The following PPFIA1 variants were observed in gnomAD, a reference collection of about 807,000 sequenced individuals.
PPFIA1 encodes liprin-alpha-1.
Under a neutral mutation model 149.9 loss-of-function variants are expected in PPFIA1, and 25 were observed. The observed-to-expected ratio is 0.17, with a 90% CI of 0.12 to 0.23. PPFIA1 has a LOEUF of 0.23. Ranked by LOEUF, PPFIA1 falls within the 10% of genes least tolerant of loss-of-function variation. The probability of loss-of-function intolerance (pLI) is 1.00; values close to 1 mark genes in which losing one functional copy is unlikely to be tolerated. For synonymous variants in PPFIA1, 549 were observed against 552.8 expected, an observed-to-expected ratio of 0.99 and a Z score of 0.10; for missense variants, 1,362 against 1,506.5, an observed-to-expected ratio of 0.90 and a Z score of 1.59.
intron 9 of PPFIA1, 27 bp from the exon 10 acceptor site, chr11:70,333,443 G>A (rs76081452): frequency 0.018 from 28,911 of 1,589,250 alleles, 309 homozygotes; most frequent in Middle Eastern, 0.022. Context: ...TAAGGATGAC[G>A]TCAGCGTACG....
At chr11:70,372,618 TG>T in intron 23 of PPFIA1, 44 bp downstream of exon 23, 1 of 1,499,556 alleles carries the variant, frequency 6.7e-7, no homozygotes, top group South Asian at 1.1e-5. Context: ...TCCTACTTGC[TG>T]GTGTGTTTGG....
intron 2 of PPFIA1, among the ~76,000 whole-genome samples, chr11:70,303,489 A>G (rs2052627902): frequency 6.6e-6 from 1 of 152,184 alleles, no homozygotes; most frequent in Non-Finnish European, 1.5e-5. Context: ...TGCATACCCT[A>G]AGGTTTTTCT....
At chr11:70,293,341 A>G (rs567360363) in intron 2 of PPFIA1, among the ~76,000 whole-genome samples, 3 of 152,220 alleles carry the variant, frequency 2.0e-5, no homozygotes, top group Non-Finnish European at 2.9e-5. Flanking sequence ...TGTTGGCTTC[A>G]TAGCAAGTGT....
chr11:70,348,464 C>G (rs777760534), intron 16 of PPFIA1, 44 bp downstream of exon 16: 1 of 1,459,242 alleles, frequency 6.9e-7, no homozygotes, highest in South Asian at 1.2e-5. Context: ...CTCAGCATAC[C>G]TGTATGAAAT....
chr11:70,356,076 C>A, intron 18 of PPFIA1, 85 bp from the exon 19 acceptor site: 1 of 1,156,934 alleles, frequency 8.6e-7, no homozygotes, highest in Non-Finnish European at 1.3e-6. Context: ...AAATCTGAAC[C>A]TGCAAATATT....
At chr11:70,370,229 T>C (rs1261196622) in intron 21 of PPFIA1, among the ~76,000 whole-genome samples, 1 of 152,118 alleles carries the variant, frequency 6.6e-6, no homozygotes, top group African/African-American at 2.4e-5. Flanking sequence ...CTAGTCCGGC[T>C]AGGGTTTGTT....
At chr11:70,363,166 G>A (rs1056923922) in intron 21 of PPFIA1, 1 of 152,210 alleles carries the variant, frequency 6.6e-6, no homozygotes, top group Non-Finnish European at 1.5e-5. Flanking sequence ...ACAGTTAAAT[G>A]AATCTGTAAA....
At chr11:70,283,762 C>T (rs1228016195) in intron 2 of PPFIA1, among the ~76,000 whole-genome samples, 1 of 8,000 alleles carries the variant, frequency 1.3e-4, no homozygotes, top group Non-Finnish European at 2.3e-4. Context: ...GTCAAGCTTG[C>T]GGGGAGAAGG....
chr11:70,354,603 G>A, intron 17 of PPFIA1, 151 bp downstream of exon 17: 3 of 851,564 alleles, frequency 3.5e-6, no homozygotes, highest in South Asian at 3.9e-5. Context: ...CACTTAGAAT[G>A]CTTACCACTG....
chr11:70,381,686 G>C (rs2057720543), intron 26 of PPFIA1, among the ~76,000 whole-genome samples: 1 of 152,210 alleles, frequency 6.6e-6, no homozygotes, highest in Non-Finnish European at 1.5e-5. Flanking sequence ...GTGCCGCTTG[G>C]TGTTTCCTTC....
chr11:70,308,222 A>G (rs1159757183), intron 2 of PPFIA1, among the ~76,000 whole-genome samples: 1 of 152,086 alleles, frequency 6.6e-6, no homozygotes, highest in African/African-American at 2.4e-5. Flanking sequence ...CTAATTTTGT[A>G]TTTTTAGCAG....
chr11:70,315,140 C>T (rs1241485234), intron 2 of PPFIA1, among the ~76,000 whole-genome samples: 1 of 152,150 alleles, frequency 6.6e-6, no homozygotes, highest in Non-Finnish European at 1.5e-5. Flanking sequence ...TTTTGGGTGG[C>T]TTCACAGCCG....
chr11:70,314,532 T>C (rs918369329), intron 2 of PPFIA1, among the ~76,000 whole-genome samples: 2 of 152,342 alleles, frequency 1.3e-5, no homozygotes, highest in Admixed American at 1.3e-4. Flanking sequence ...TTATCTTACT[T>C]CCAACTCTCA....
chr11:70,354,095 G>A (rs563912853), intron 16 of PPFIA1: 53 of 528,562 alleles, frequency 1.0e-4, no homozygotes, highest in African/African-American at 7.9e-4. Flanking sequence ...CCCAGCGCAC[G>A]CTCGTGGGGA....
rs1049203932 is a variant in PPFIA1, at chr11:70,339,270, A to G, written c.1671A>G (p.Lys557=). The change falls in exon 14 of 28, where the codon AAA becomes AAG. Residue 557 remains lysine (K), a synonymous_variant. Coordinates refer to ENST00000253925, the MANE Select transcript of PPFIA1 (RefSeq NM_003626.5). ...STSAVLRRPQ[K]GRLAALRDEP... is the part of the protein sequence containing the mutation. ...GTGCAGTGCTGCGGCGCCCACAGAA[A>G]GGCCGGCTGGCAGCCCTGCGAGATG... 3.1e-6 allele frequency: 5 copies of G among 1,613,966 alleles called. No individual in the cohort carries two copies. The highest frequency in any genetic ancestry group is 4.2e-6 in the Non-Finnish European group (5 of 1,179,940).
At chr11:70,378,390 T>C (rs1394098988) in intron 26 of PPFIA1, 195 bp downstream of exon 26, 2 of 1,293,830 alleles carry the variant, frequency 1.5e-6, no homozygotes, top group Non-Finnish European at 2.0e-6. Context: ...TAATAGAATT[T>C]TTAAAACACG....
intron 16 of PPFIA1, among the ~76,000 whole-genome samples, chr11:70,353,159 G>C (rs1000447562): frequency 2.0e-5 from 3 of 152,158 alleles, no homozygotes; most frequent in Non-Finnish European, 4.4e-5. Context: ...TCCTCCCTGA[G>C]CCACAGTGGG....
At chr11:70,310,864 C>T (rs941709848) in intron 2 of PPFIA1, among the ~76,000 whole-genome samples, 10 of 152,070 alleles carry the variant, frequency 6.6e-5, no homozygotes, top group African/African-American at 2.4e-4. Flanking sequence ...TGCTGTTTGC[C>T]GTCCATCCAC....
At chr11:70,378,270 T>C (rs1272564167) in intron 26 of PPFIA1, 75 bp downstream of exon 26, 4 of 1,525,462 alleles carry the variant, frequency 2.6e-6, no homozygotes, top group Admixed American at 2.0e-5. Context: ...TTAATAATGA[T>C]CTAAAACGGC....
Sources: gnomAD v4.1 joint callset for allele counts (sites outside exome capture counted in the v4.1 genomes callset) on GRCh38, gnomAD v4.1.1 for gene constraint, MANE v1.5 for transcripts, NCBI Gene and HGNC (gene_info 2026-07-23, HGNC 2026-07-21) for gene names.